The following ADAM2 variants were observed in gnomAD, a reference collection of about 807,000 sequenced individuals.
ADAM2 encodes the protein ADAM metallopeptidase domain 2.
A neutral mutation model predicts 99.3 loss-of-function variants in ADAM2; 101 were observed. The observed-to-expected ratio is 1.02, with a 90% CI of 0.87 to 1.20. ADAM2 has a LOEUF of 1.20. Ranked by LOEUF, ADAM2 falls within the 50% of genes most tolerant of loss-of-function variation. The probability of loss-of-function intolerance (pLI) is 0.00; values close to 1 mark genes in which losing one functional copy is unlikely to be tolerated. For missense variants in ADAM2, 948 were observed against 878.7 expected (o/e 1.08, Z -1.00); for synonymous variants, 323 against 287.6 (o/e 1.12, Z -1.25).
chr8:39,822,660 G>A (rs1805242382), intron 4 of ADAM2, among the ~76,000 whole-genome samples: 1 of 151,300 alleles, frequency 6.6e-6, no homozygotes, highest in Admixed American at 6.6e-5. Flanking sequence ...GAAGAGAAGT[G>A]TTTAAATCTT....
chr8:39,745,928 A>G (rs188226943), intron 19 of ADAM2, among the ~76,000 whole-genome samples: 2 of 152,186 alleles, frequency 1.3e-5, no homozygotes, highest in East Asian at 3.9e-4. Context: ...TGCCCCTAAA[A>G]AGTCCAGATT....
At chr8:39,765,520 C>T (rs756228386) in intron 14 of ADAM2, among the ~76,000 whole-genome samples, 9 of 152,072 alleles carry the variant, frequency 5.9e-5, no homozygotes, top group African/African-American at 1.4e-4. Context: ...ATCCAACTTA[C>T]GAATATTAAA....
intron 15 of ADAM2, among the ~76,000 whole-genome samples, chr8:39,759,122 A>T (rs1416067615): frequency 1.3e-5 from 2 of 152,164 alleles, no homozygotes; most frequent in Non-Finnish European, 2.9e-5. Context: ...GGAAAATAGT[A>T]ATTTCACAGT....
intron 3 of ADAM2, 141 bp downstream of exon 3, chr8:39,833,803 C>T (rs1398223350): frequency 3.1e-6 from 2 of 636,260 alleles, no homozygotes; most frequent in African/African-American, 3.7e-5. Context: ...CATATATAGG[C>T]TTAAATCATA....
chr8:39,769,368 G>T (rs543209151), intron 12 of ADAM2, 24 bp downstream of exon 12: 1 of 1,568,448 alleles, frequency 6.4e-7, no homozygotes. Flanking sequence ...ATTTCAGTGC[G>T]TAGTCTTCCG....
intron 7 of ADAM2, among the ~76,000 whole-genome samples, chr8:39,789,698 G>A (rs1803622976): frequency 6.6e-6 from 1 of 151,390 alleles, no homozygotes; most frequent in Admixed American, 6.6e-5. Context: ...GAAAGATTAA[G>A]TTTTCAAAAT....
intron 14 of ADAM2, among the ~76,000 whole-genome samples, chr8:39,766,190 A>ACTC (rs1162734574): frequency 1.3e-5 from 2 of 152,222 alleles, no homozygotes. Context: ...TTATATGACA[A>ACTC]CTTATAATTA....
chr8:39,801,550 G>C (rs1339039770), intron 7 of ADAM2, among the ~76,000 whole-genome samples: 4 of 152,294 alleles, frequency 2.6e-5, no homozygotes, highest in Admixed American at 6.5e-5. Flanking sequence ...TTGGTGGAGA[G>C]GGTGTGTTTT....
At chr8:39,770,239 G>A (rs968958889) in intron 11 of ADAM2, among the ~76,000 whole-genome samples, 11 of 152,178 alleles carry the variant, frequency 7.2e-5, no homozygotes, top group African/African-American at 1.7e-4. Flanking sequence ...GAGCCAACGC[G>A]CCCAGCCCAG....
Position 39,837,231 on chromosome 8 carries a change from G to T in ADAM2, c.56-19C>A. On this transcript the variant is annotated intron_variant, in intron 1 of 20. Coordinates refer to ENST00000265708, the MANE Select transcript of ADAM2 (RefSeq NM_001464.5). Reference sequence around the variant, plus strand: ...TCAAAATCTGCAAAATGTGCAAAATGTTTTATTAGAACAATGCCCATCATT... The same window carrying T: ...TCAAAATCTGCAAAATGTGCAAAATTTTTTATTAGAACAATGCCCATCATT... The T allele has an allele frequency of 6.4e-7, 1 of 1,566,374 alleles. No homozygotes were observed. Among genetic ancestry groups the T allele is most frequent in the Non-Finnish European group, 8.8e-7 (1 of 1,142,496 alleles).
At chr8:39,826,133 A>T (rs939229389) in intron 3 of ADAM2, among the ~76,000 whole-genome samples, 2 of 152,186 alleles carry the variant, frequency 1.3e-5, no homozygotes, top group African/African-American at 2.4e-5. Flanking sequence ...AATAGCCAAA[A>T]CGAGCTTGAC....
intron 14 of ADAM2, among the ~76,000 whole-genome samples, chr8:39,762,788 G>T (rs1802420285): frequency 6.6e-6 from 1 of 152,088 alleles, no homozygotes; most frequent in Non-Finnish European, 1.5e-5. Context: ...TGCCTAGCCA[G>T]CCCCACAATC....
intron 14 of ADAM2, among the ~76,000 whole-genome samples, chr8:39,763,423 G>A (rs914869022): frequency 6.6e-6 from 1 of 152,198 alleles, no homozygotes; most frequent in African/African-American, 2.4e-5. Flanking sequence ...ATTGGTTCAA[G>A]TGCAGAAACC....
intron 15 of ADAM2, among the ~76,000 whole-genome samples, chr8:39,757,805 A>G (rs1429836431): frequency 6.6e-6 from 1 of 152,220 alleles, no homozygotes; most frequent in Non-Finnish European, 1.5e-5. Flanking sequence ...TATATGATAC[A>G]AAGTTAAGAA....
intron 6 of ADAM2, among the ~76,000 whole-genome samples, chr8:39,814,608 G>A (rs1804861999): frequency 6.6e-6 from 1 of 152,026 alleles, no homozygotes; most frequent in African/African-American, 2.4e-5. Flanking sequence ...AAAGGTCCTT[G>A]GTTAAGAATA....
intron 7 of ADAM2, among the ~76,000 whole-genome samples, chr8:39,796,760 T>C (rs1031388990): frequency 1.3e-5 from 2 of 152,242 alleles, no homozygotes; most frequent in African/African-American, 4.8e-5. Flanking sequence ...GGTATCTCAT[T>C]GTAGTTTTGA....
At chr8:39,796,452 T>C (rs1803952691) in intron 7 of ADAM2, among the ~76,000 whole-genome samples, 1 of 152,230 alleles carries the variant, frequency 6.6e-6, no homozygotes, top group Non-Finnish European at 1.5e-5. Flanking sequence ...TGATGGGCAT[T>C]TGACTTGGAT....
intron 4 of ADAM2, among the ~76,000 whole-genome samples, chr8:39,823,529 GTTT>G (rs1007943834): frequency 3.5e-5 from 5 of 143,282 alleles, no homozygotes; most frequent in Non-Finnish European, 7.7e-5. Context: ...ATTCTTGCTT[GTTT>G]TTTTTTTTTA....
chr8:39,745,986 T>A (rs549218327), intron 19 of ADAM2, among the ~76,000 whole-genome samples: 38 of 147,866 alleles, frequency 2.6e-4, no homozygotes, highest in African/African-American at 9.3e-4. Context: ...TATGCATGTG[T>A]ATGTGTGTGT....
Sources: gnomAD v4.1 joint callset for allele counts (sites outside exome capture counted in the v4.1 genomes callset) on GRCh38, gnomAD v4.1.1 for gene constraint, MANE v1.5 for transcripts, NCBI Gene and HGNC (gene_info 2026-07-23, HGNC 2026-07-21) for gene names.